The following RHOJ variants were observed in gnomAD, a reference collection of about 807,000 sequenced individuals.
RHOJ encodes the protein rho-related GTP-binding protein RhoJ.
A neutral mutation model predicts 23.4 loss-of-function variants in RHOJ; 11 were observed. That is an observed-to-expected ratio of 0.47 (90% CI 0.30 to 0.78). RHOJ has a LOEUF of 0.78. RHOJ is among the 30% of genes least tolerant of loss of function. The pLI, the probability that RHOJ is intolerant of heterozygous loss-of-function variation, is 0.08. For missense variants in RHOJ, 254 were observed against 273.4 expected, an observed-to-expected ratio of 0.93 and a Z score of 0.50; for synonymous variants, 102 against 102.7, an observed-to-expected ratio of 0.99 and a Z score of 0.04.
At chr14:63,238,837 T>C (rs1324204300) in intron 1 of RHOJ, among the ~76,000 whole-genome samples, 1 of 152,180 alleles carries the variant, frequency 6.6e-6, no homozygotes, top group African/African-American at 2.4e-5. Flanking sequence ...CACATATTCC[T>C]GGGGATCCTG....
chr14:63,287,599 GTTTT>G (rs200884009), intron 4 of RHOJ, among the ~76,000 whole-genome samples: 1 of 139,360 alleles, frequency 7.2e-6, no homozygotes, highest in African/African-American at 2.6e-5. Flanking sequence ...AGTCATTACG[GTTTT>G]TTTTTTTTTT....
chr14:63,237,547 A>G (rs1174251520), intron 1 of RHOJ, among the ~76,000 whole-genome samples: 1 of 152,184 alleles, frequency 6.6e-6, no homozygotes, highest in Non-Finnish European at 1.5e-5. Flanking sequence ...GCAGGAGACT[A>G]GTATGTGGCA....
At chr14:63,241,688 G>T (rs1894886650) in intron 1 of RHOJ, among the ~76,000 whole-genome samples, 1 of 152,184 alleles carries the variant, frequency 6.6e-6, no homozygotes. Context: ...AGAGCCAACT[G>T]GGAAGTCAGC....
At chr14:63,257,456 G>A (rs1448893277) in intron 1 of RHOJ, among the ~76,000 whole-genome samples, 1 of 149,788 alleles carries the variant, frequency 6.7e-6, no homozygotes, top group Admixed American at 6.6e-5. Context: ...GCAGAGAGAG[G>A]CCACAGGTCA....
At chr14:63,260,946 C>A (rs537021505) in intron 1 of RHOJ, among the ~76,000 whole-genome samples, 94 of 152,182 alleles carry the variant, frequency 6.2e-4, no homozygotes, top group African/African-American at 1.7e-3. Context: ...GGGGGATACA[C>A]TGCAGAAATA....
rs1374554435 is a variant in RHOJ at position 63,281,105 on chromosome 14, T to C, written c.372T>C (p.Pro124=). ...EWVPELKDCM[P]HVPYVLIGTQ... ...TCCCCGAGCTCAAGGACTGCATGCCTCACGTGCCTTATGTCCTCATAGGGA... is the reference window on the plus strand; with the variant it reads ...TCCCCGAGCTCAAGGACTGCATGCCCCACGTGCCTTATGTCCTCATAGGGA... Residue 124 remains proline, a synonymous_variant, in exon 3 of 5, where the codon CCT becomes CCC. Transcript: ENST00000316754. 1 of 1,613,638 alleles carries C rather than the reference T, an allele frequency of 6.2e-7. No individual in the cohort carries two copies. The highest frequency in any genetic ancestry group is 8.5e-7 in the Non-Finnish European group (1 of 1,179,814).
rs1389274844 is a variant in RHOJ at position 63,291,035 on chromosome 14, G to A, written c.*11G>A. ...TGTTCAATTATCTGAGGTTGTCTGG[G>A]ACCTGCCTCCACCCCATCCAGGGAT... On this transcript the variant is annotated 3_prime_UTR_variant, in exon 5 of 5. Coordinates refer to ENST00000316754, the MANE Select transcript of RHOJ (RefSeq NM_020663.5). 1 of 1,613,686 alleles carries A rather than the reference G, an allele frequency of 6.2e-7. No individual in the cohort carries two copies. Among genetic ancestry groups the A allele is most frequent in the Non-Finnish European group, 8.5e-7 (1 of 1,179,958 alleles).
intron 1 of RHOJ, among the ~76,000 whole-genome samples, chr14:63,266,883 G>T (rs974468973): frequency 6.6e-6 from 1 of 152,070 alleles, no homozygotes; most frequent in African/African-American, 2.4e-5. Flanking sequence ...TTCATATTTT[G>T]CTCAGAAAGC....
chr14:63,221,510 G>C (rs1894493490), intron 1 of RHOJ, among the ~76,000 whole-genome samples: 1 of 152,112 alleles, frequency 6.6e-6, no homozygotes, highest in African/African-American at 2.4e-5. Context: ...TCTGACATTA[G>C]AAATAAAATC....
At chr14:63,205,329 T>A (rs560064138) in intron 1 of RHOJ, among the ~76,000 whole-genome samples, 1 of 152,292 alleles carries the variant, frequency 6.6e-6, no homozygotes, top group South Asian at 2.1e-4. Context: ...TACTCAACAT[T>A]TGCCTCAACA....
At chr14:63,212,051 A>G (rs1328486184) in intron 1 of RHOJ, among the ~76,000 whole-genome samples, 6 of 152,162 alleles carry the variant, frequency 3.9e-5, no homozygotes, top group Non-Finnish European at 7.4e-5. Context: ...GCTTTCTTCC[A>G]TGTGGTCATT....
At chr14:63,242,387 C>T (rs1206507319) in intron 1 of RHOJ, among the ~76,000 whole-genome samples, 1 of 152,124 alleles carries the variant, frequency 6.6e-6, no homozygotes, top group African/African-American at 2.4e-5. Flanking sequence ...TGTAACATAG[C>T]AAGACCTCAT....
intron 1 of RHOJ, among the ~76,000 whole-genome samples, chr14:63,208,672 C>T (rs1247734159): frequency 6.6e-6 from 1 of 152,148 alleles, no homozygotes; most frequent in African/African-American, 2.4e-5. Context: ...TCCCAACCAC[C>T]AAATGTTCGG....
intron 1 of RHOJ, among the ~76,000 whole-genome samples, chr14:63,226,751 T>C (rs1894602090): frequency 6.6e-6 from 1 of 152,038 alleles, no homozygotes; most frequent in Non-Finnish European, 1.5e-5. Context: ...TGGAAAATTT[T>C]TGCTAGGATA....
intron 1 of RHOJ, among the ~76,000 whole-genome samples, chr14:63,240,240 G>C (rs1235627580): frequency 6.6e-6 from 1 of 152,124 alleles, no homozygotes; most frequent in Admixed American, 6.5e-5. Context: ...TTTCTTTCTG[G>C]AATAGCCTAA....
chr14:63,287,672 T>G (rs1882124661), intron 4 of RHOJ, among the ~76,000 whole-genome samples: 1 of 151,906 alleles, frequency 6.6e-6, no homozygotes, highest in Non-Finnish European at 1.5e-5. Flanking sequence ...TTTGAGATAA[T>G]AAGTTTTAGC....
chr14:63,283,093 T>C, intron 3 of RHOJ, 28 bp from the exon 4 acceptor site: 1 of 1,556,010 alleles, frequency 6.4e-7, no homozygotes. Context: ...AGAAAACAAA[T>C]AAGTTTTCAC....
chr14:63,240,279 A>C (rs1319056429), intron 1 of RHOJ, among the ~76,000 whole-genome samples: 2 of 152,178 alleles, frequency 1.3e-5, no homozygotes, highest in South Asian at 2.1e-4. Context: ...GAAAGAGAGT[A>C]AAAAATCTCA....
chr14:63,220,417 C>A (rs1232682357), intron 1 of RHOJ, among the ~76,000 whole-genome samples: 1 of 149,168 alleles, frequency 6.7e-6, no homozygotes, highest in Non-Finnish European at 1.5e-5. Context: ...ACCTATGTAA[C>A]AAACCTGCAC....
Sources: allele counts gnomAD v4.1 joint callset (sites outside exome capture counted in the v4.1 genomes callset), GRCh38; gene constraint gnomAD v4.1.1; transcripts MANE v1.5; gene names NCBI Gene and HGNC (gene_info 2026-07-23, HGNC 2026-07-21).